The following CADPS variants were observed in gnomAD, a reference collection of about 807,000 sequenced individuals.
CADPS encodes calcium dependent secretion activator.
A neutral mutation model predicts 167.3 loss-of-function variants in CADPS; 57 were observed. The observed-to-expected ratio is 0.34, with a 90% CI of 0.28 to 0.42. The LOEUF is 0.42. Among genes scored for constraint, CADPS ranks in the 20% least tolerant of loss-of-function variants. CADPS has a pLI of 1.00. For missense variants in CADPS, 1,414 were observed against 1,738.1 expected, an observed-to-expected ratio of 0.81 and a Z score of 3.32; for synonymous variants, 676 against 635.3, an observed-to-expected ratio of 1.06 and a Z score of -0.96.
chr3:62,606,202 G>C (rs1234239255), intron 6 of CADPS, among the ~76,000 whole-genome samples: 1 of 152,046 alleles, frequency 6.6e-6, no homozygotes, highest in African/African-American at 2.4e-5. Context: ...TACTCCTTTT[G>C]GCCTCTGCTA....
chr3:62,438,235 A>G lies in CADPS; in HGVS notation c.3670-24T>C. The G allele has an allele frequency of 6.4e-7, 1 of 1,571,910 alleles. No homozygotes were observed. The highest frequency in any genetic ancestry group is 1.1e-5 in the South Asian group (1 of 90,200). The stretch of plus-strand genomic sequence containing the variant: ...TTCTGTAAAGAAACAGGAAAACATG[A>G]AAACGAATTTTCAGACAGCCACTCT... On this transcript the variant is annotated intron_variant, in intron 27 of 29. Coordinates refer to ENST00000383710, the MANE Select transcript of CADPS (RefSeq NM_003716.4). The surrounding 1 kb of genome is among the most constrained non-coding windows in gnomAD (Gnocchi z 4.7).
At chr3:62,494,798 T>C (rs1024625170) in intron 18 of CADPS, among the ~76,000 whole-genome samples, 2 of 148,798 alleles carry the variant, frequency 1.3e-5, no homozygotes, top group Admixed American at 6.8e-5. Flanking sequence ...CCTGCCACCA[T>C]ACCTGGCTAA....
rs2059828264 is a variant in CADPS at position 62,465,423 on chromosome 3, C to T, written c.3580G>A (p.Ala1194Thr). ...KFVTILEGVLAKLSRYDEGTL... is the reference protein window; with the variant it reads ...KFVTILEGVLTKLSRYDEGTL... Reference sequence around the variant, plus strand: ...CCTTCGTCATATCTGGATAATTTTGCCAGCACTCCTTCCAAGATAGTAACG... The same window carrying T: ...CCTTCGTCATATCTGGATAATTTTGTCAGCACTCCTTCCAAGATAGTAACG... Residue 1194 changes from alanine (A) to threonine (T), a missense_variant, in exon 26 of 30, where the codon GCA (alanine) becomes ACA (threonine). By Grantham distance (58) the Ala-to-Thr change is moderately conservative. Coordinates refer to ENST00000383710, the MANE Select transcript of CADPS (RefSeq NM_003716.4). The surrounding 1 kb of genome is among the most constrained non-coding windows in gnomAD (Gnocchi z 4.1). The T allele has an allele frequency of 1.2e-6, 2 of 1,608,820 alleles. No individual in the cohort carries two copies. The highest frequency in any genetic ancestry group is 2.7e-5 in the African/African-American group (2 of 74,832).
At chr3:62,648,277 C>A (rs191876207) in intron 5 of CADPS, among the ~76,000 whole-genome samples, 164 of 152,256 alleles carry the variant, frequency 1.1e-3, no homozygotes, top group African/African-American at 3.4e-3. Context: ...TCTGTACTTT[C>A]AATTACAAGT....
chr3:62,434,661 C>T (rs1341947504), intron 28 of CADPS, among the ~76,000 whole-genome samples: 1 of 152,140 alleles, frequency 6.6e-6, no homozygotes, highest in African/African-American at 2.4e-5. Context: ...CTCCCACAAG[C>T]ACCCACTTCC....
chr3:62,824,487 T>C (rs2073669183), intron 1 of CADPS, among the ~76,000 whole-genome samples: 1 of 152,080 alleles, frequency 6.6e-6, no homozygotes, highest in African/African-American at 2.4e-5. Context: ...AGCGAACTAA[T>C]AAAAAGAAAT....
chr3:62,457,677 A>G (rs550157689), intron 26 of CADPS, among the ~76,000 whole-genome samples: 10 of 152,322 alleles, frequency 6.6e-5, no homozygotes, highest in African/African-American at 2.4e-4. Flanking sequence ...GAGAAAATGG[A>G]ACCAACCCAA....
intron 28 of CADPS, among the ~76,000 whole-genome samples, chr3:62,416,694 C>G (rs977294313): frequency 6.6e-6 from 1 of 152,120 alleles, no homozygotes. Flanking sequence ...ATGTTTCCCA[C>G]TCAGGTCTCC....
intron 10 of CADPS, chr3:62,550,896 C>T (rs1369635037): frequency 6.6e-6 from 3 of 456,600 alleles, no homozygotes; most frequent in East Asian, 1.4e-4. Flanking sequence ...CTTTACTTAG[C>T]TTTCAGGAGG....
At chr3:62,692,528 C>A (rs1252487179) in intron 3 of CADPS, among the ~76,000 whole-genome samples, 1 of 152,038 alleles carries the variant, frequency 6.6e-6, no homozygotes, top group Non-Finnish European at 1.5e-5. Flanking sequence ...AAAACTTATG[C>A]ATATATTATT....
intron 1 of CADPS, among the ~76,000 whole-genome samples, chr3:62,851,866 G>C (rs2078668626): frequency 6.6e-6 from 1 of 151,770 alleles, no homozygotes; most frequent in Non-Finnish European, 1.5e-5. Flanking sequence ...ATCCTGCAGA[G>C]TGTTTTCCAA....
chr3:62,437,078 T>C (rs1273400553), intron 28 of CADPS, among the ~76,000 whole-genome samples: 2 of 150,562 alleles, frequency 1.3e-5, no homozygotes, highest in Non-Finnish European at 3.0e-5. Flanking sequence ...GAAACATGGA[T>C]TCCATAGTAG....
At chr3:62,672,639 CCT>C (rs1429148419) in intron 3 of CADPS, among the ~76,000 whole-genome samples, 1 of 152,124 alleles carries the variant, frequency 6.6e-6, no homozygotes, top group Non-Finnish European at 1.5e-5. Flanking sequence ...TTCTTTTCCC[CCT>C]GAGACAGGGT....
intron 4 of CADPS, among the ~76,000 whole-genome samples, chr3:62,660,037 AG>A (rs2150421133): frequency 6.6e-6 from 1 of 152,298 alleles, no homozygotes; most frequent in South Asian, 2.1e-4. Context: ...TATCTCATTT[AG>A]CTTCAGAATA....
At chr3:62,551,253 T>C (rs1374364810) in intron 10 of CADPS, among the ~76,000 whole-genome samples, 2 of 152,176 alleles carry the variant, frequency 1.3e-5, no homozygotes, top group Admixed American at 6.5e-5. Flanking sequence ...GCTGAGCCCA[T>C]CTCTCTTGCC....
At chr3:62,471,997 GA>G (rs1470508402) in intron 24 of CADPS, among the ~76,000 whole-genome samples, 2 of 152,102 alleles carry the variant, frequency 1.3e-5, no homozygotes, top group African/African-American at 2.4e-5. Context: ...TTTCTTTAAA[GA>G]AAATATACAA....
At chr3:62,809,597 T>C (rs1008062559) in intron 1 of CADPS, among the ~76,000 whole-genome samples, 1 of 152,204 alleles carries the variant, frequency 6.6e-6, no homozygotes, top group Non-Finnish European at 1.5e-5. Flanking sequence ...AAGTCTCTGT[T>C]GCATCACCCA....
In CADPS at chr3:62,465,772, T is replaced by A. The variant is rs1270112057; in HGVS notation, c.3553-322A>T. Reference sequence around the variant, plus strand: ...TAAAATCCAAAACTGCGCAAAGCAGTTTCTACGTTACATATTAGCACTACA... The same window carrying A: ...TAAAATCCAAAACTGCGCAAAGCAGATTCTACGTTACATATTAGCACTACA... On this transcript the variant is annotated intron_variant, in intron 25 of 29. Coordinates refer to ENST00000383710, the MANE Select transcript of CADPS (RefSeq NM_003716.4). This position sits in a 1 kb window ranked among gnomAD's most constrained non-coding sequence, Gnocchi z 4.1. Among the ~76,000 whole-genome samples the A allele has an allele frequency of 1.3e-5, 2 of 152,234 alleles. No individual in the cohort carries two copies. The highest frequency in any genetic ancestry group is 2.4e-5 in the African/African-American group (1 of 41,466).
At chr3:62,748,822 C>A (rs1406525349) in intron 3 of CADPS, among the ~76,000 whole-genome samples, 2 of 152,162 alleles carry the variant, frequency 1.3e-5, no homozygotes, top group Non-Finnish European at 2.9e-5. Flanking sequence ...ATCCTCCCAC[C>A]TCAGCCTCCT....
Sources: gnomAD v4.1 joint callset for allele counts (sites outside exome capture counted in the v4.1 genomes callset) on GRCh38, gnomAD v4.1.1 for gene constraint, Gnocchi (gnomAD v3.1) non-coding constraint, MANE v1.5 for transcripts, NCBI Gene and HGNC (gene_info 2026-07-23, HGNC 2026-07-21) for gene names.